Variants in RAB12 observed in about 807,000 individuals in gnomAD.
The protein encoded by RAB12 is RAB12, member RAS oncogene family, also known as ras-related protein Rab-12.
A neutral mutation model predicts 28.4 loss-of-function variants in RAB12; 11 were observed. The observed-to-expected ratio is 0.39, with a 90% confidence interval of 0.24 to 0.64. The LOEUF is 0.64. Ranked by LOEUF, RAB12 falls within the 30% of genes least tolerant of loss-of-function variation. The probability of loss-of-function intolerance (pLI) is 0.50; values close to 1 mark genes in which losing one functional copy is unlikely to be tolerated. For synonymous variants in RAB12, 138 were observed against 145.3 expected, an observed-to-expected ratio of 0.95 and a Z score of 0.36; for missense variants, 276 against 351.1, an observed-to-expected ratio of 0.79 and a Z score of 1.71.
rs1598315808 is a variant in RAB12, at chr18:8,639,144, G to GTTTTTTTTTTTTTTTTTTTTTTTT, written c.*884_*885insTTTTTTTTTTTTTTTTTTTTTTTT. ...CTTATTCTGATTAAGCCTAGACTGT[G>GTTTTTTTTTTTTTTTTTTTTTTTT]TTCTTTTTTTTTTTTTTTTTTTTTT... On this transcript the variant is annotated 3_prime_UTR_variant, in exon 6 of 6. Coordinates refer to ENST00000649141, the MANE Select transcript of RAB12 (RefSeq NM_001025300.3). 1.8e-4 allele frequency: 3 copies of GTTTTTTTTTTTTTTTTTTTTTTTT among 16,582 alleles called. No homozygotes were observed. Among genetic ancestry groups the GTTTTTTTTTTTTTTTTTTTTTTTT allele is most frequent in the Admixed American group, 9.7e-4 (1 of 1,026 alleles). The allele number at this position is 16,582 out of a possible 1,614,324, so 1.0% of individuals were successfully genotyped here.
chr18:8,627,403 A>G (rs1343310129), intron 2 of RAB12, among the ~76,000 whole-genome samples: 1 of 152,220 alleles, frequency 6.6e-6, no homozygotes, highest in Non-Finnish European at 1.5e-5. Flanking sequence ...ATTATTTACT[A>G]TAGATTCCTA....
chr18:8,633,266 A>G lies in RAB12; in HGVS notation c.653A>G (p.Tyr218Cys). The G allele has an allele frequency of 6.2e-7, 1 of 1,613,990 alleles. No homozygotes were observed. Among genetic ancestry groups the G allele is most frequent in the South Asian group, 1.1e-5 (1 of 91,074 alleles). Residue 218 changes from tyrosine to cysteine, a missense_variant, in exon 3 of 6, where the codon TAT (tyrosine) becomes TGT (cysteine). Physicochemically the swap from Tyr to Cys is radical, Grantham distance 194. This residue lies in a region of RAB12 where 127 missense variants were observed against 161.4 expected (regional missense o/e 0.79). Transcript: ENST00000649141. ...AGTGCCAAGGGGATCATATTAGTAT[A>G]TGATATCACTAAGAAGGAGACATTT... ...YRSAKGIILV[Y>C]DITKKETFDD...
At chr18:8,633,352 A>G (rs534224236) in intron 3 of RAB12, 25 bp downstream of exon 3, 82 of 1,612,522 alleles carry the variant, frequency 5.1e-5, no homozygotes, top group African/African-American at 6.7e-5. Flanking sequence ...TTTCTGTCCA[A>G]TGTGAACTCT....
At chr18:8,631,420 A>G (rs1356005582) in intron 2 of RAB12, among the ~76,000 whole-genome samples, 1 of 152,216 alleles carries the variant, frequency 6.6e-6, no homozygotes, top group African/African-American at 2.4e-5. Flanking sequence ...TGAGTTTTCC[A>G]AGAAGCCAAG....
In RAB12 at chr18:8,635,177, C is replaced by T. The variant is rs545263527; in HGVS notation, c.715-356C>T. On this transcript the variant is annotated intron_variant, in intron 3 of 5. Coordinates refer to ENST00000649141, the MANE Select transcript of RAB12 (RefSeq NM_001025300.3). ...TTAAATGCCTGTGTTTTTAAAATAA[C>T]TTGATTCTTGAGCCATTTTGTTTGA... 1.1e-3 allele frequency: 172 copies of T among 160,388 alleles called. 4 individuals carry two copies. In the South Asian group the frequency reaches 0.031, roughly 29 times the overall value. The allele number at this position is 160,388 out of a possible 1,614,324, so 9.9% of individuals were successfully genotyped here.
chr18:8,636,483 C>T, intron 5 of RAB12, 126 bp downstream of exon 5: 1 of 626,284 alleles, frequency 1.6e-6, no homozygotes. Context: ...GCGCAAGAAC[C>T]AGGTATGGTT....
intron 2 of RAB12, among the ~76,000 whole-genome samples, chr18:8,626,327 C>G (rs2096012634): frequency 6.6e-6 from 1 of 152,210 alleles, no homozygotes; most frequent in Non-Finnish European, 1.5e-5. Context: ...ATGCCTCTCT[C>G]TGTTCCTAGT....
intron 1 of RAB12, among the ~76,000 whole-genome samples, chr18:8,611,929 G>A (rs2096004061): frequency 6.6e-6 from 1 of 152,220 alleles, no homozygotes. Flanking sequence ...GCTTCTAACT[G>A]TGGGATGTTC....
intron 1 of RAB12, among the ~76,000 whole-genome samples, chr18:8,620,139 CTTTTTTTT>C (rs71165795): frequency 1.0e-3 from 56 of 53,956 alleles, no homozygotes; most frequent in African/African-American, 4.1e-3. Context: ...TTTTCTTCTT[CTTTTTTTT>C]TTTTTTTTTT....
intron 1 of RAB12, among the ~76,000 whole-genome samples, chr18:8,615,862 A>G (rs1003750222): frequency 5.9e-5 from 9 of 152,106 alleles, no homozygotes; most frequent in African/African-American, 2.2e-4. Context: ...AAAAAGAAAG[A>G]TTTTATTATG....
chr18:8,630,915 C>CTT (rs1258925789), intron 2 of RAB12, among the ~76,000 whole-genome samples: 1 of 152,246 alleles, frequency 6.6e-6, no homozygotes, highest in Non-Finnish European at 1.5e-5. Flanking sequence ...GAGATGGAGT[C>CTT]TTGCTCTCTG....
chr18:8,624,703 C>G (rs1258945212), intron 1 of RAB12, among the ~76,000 whole-genome samples: 2 of 152,198 alleles, frequency 1.3e-5, no homozygotes, highest in Non-Finnish European at 2.9e-5. Context: ...CTAGACCGAT[C>G]ACTCAGGATA....
chr18:8,610,770 A>C (rs2096003341), intron 1 of RAB12, among the ~76,000 whole-genome samples: 2 of 152,368 alleles, frequency 1.3e-5, no homozygotes, highest in African/African-American at 2.4e-5. Flanking sequence ...AAAGATGTCC[A>C]AACTAGGAGA....
At chr18:8,629,542 G>A (rs1322015059) in intron 2 of RAB12, among the ~76,000 whole-genome samples, 2 of 152,200 alleles carry the variant, frequency 1.3e-5, no homozygotes, top group East Asian at 1.9e-4. Context: ...GACCTGGGTA[G>A]ACAGAAACAT....
chr18:8,614,534 TA>T (rs1002755082), intron 1 of RAB12, among the ~76,000 whole-genome samples: 53 of 151,456 alleles, frequency 3.5e-4, no homozygotes, highest in African/African-American at 6.0e-4. Flanking sequence ...AAAAAAGACT[TA>T]AAAAAATTAG....
chr18:8,629,135 TTG>T, intron 2 of RAB12, among the ~76,000 whole-genome samples: 1 of 152,212 alleles, frequency 6.6e-6, no homozygotes, highest in Non-Finnish European at 1.5e-5. Context: ...TTAAAAACAT[TTG>T]ATTGAATCCT....
intron 2 of RAB12, among the ~76,000 whole-genome samples, chr18:8,629,900 G>A (rs184431018): frequency 1.3e-5 from 2 of 152,296 alleles, no homozygotes; most frequent in Admixed American, 6.5e-5. Flanking sequence ...CCACTGTGGC[G>A]CACTTGGTTG....
At chr18:8,610,194 C>T in intron 1 of RAB12, 1 of 413,836 alleles carries the variant, frequency 2.4e-6, no homozygotes. Context: ...GAGGTCCTGG[C>T]AGCCCCCGGG....
intron 2 of RAB12, among the ~76,000 whole-genome samples, chr18:8,629,531 G>A (rs1310873667): frequency 7.2e-5 from 11 of 152,160 alleles, no homozygotes; most frequent in Non-Finnish European, 1.6e-4. Context: ...GTGTACTGCA[G>A]GACCTGGGTA....
Sources: allele counts gnomAD v4.1 joint callset (sites outside exome capture counted in the v4.1 genomes callset), GRCh38; gene constraint gnomAD v4.1.1; regional missense constraint gnomAD v4.1.1; transcripts MANE v1.5; gene names NCBI Gene and HGNC (gene_info 2026-07-23, HGNC 2026-07-21).